The following COL17A1 variants were observed in gnomAD, a reference collection of about 807,000 sequenced individuals.
COL17A1 encodes the protein collagen alpha-1(XVII) chain.
In COL17A1, 181 loss-of-function variants were observed where a neutral mutation model predicts 218.4. The observed-to-expected ratio is 0.83, with a 90% CI of 0.73 to 0.94. The LOEUF (loss-of-function observed/expected upper bound fraction) is 0.94. Among genes scored for constraint, COL17A1 ranks in the 40% least tolerant of loss-of-function variants. The probability of loss-of-function intolerance (pLI) is 0.00; values close to 1 mark genes in which losing one functional copy is unlikely to be tolerated. For synonymous variants in COL17A1, 721 were observed against 731.0 expected (o/e 0.99, Z 0.22); for missense variants, 1,924 against 1,945.9 (o/e 0.99, Z 0.21).
intron 3 of COL17A1, among the ~76,000 whole-genome samples, chr10:104,077,806 G>C (rs369437233): frequency 6.6e-6 from 1 of 152,228 alleles, no homozygotes; most frequent in Non-Finnish European, 1.5e-5. Flanking sequence ...AATATAGCAA[G>C]TTGCATATTA....
chr10:104,059,541 C>T (rs968342739), intron 15 of COL17A1, 97 bp downstream of exon 15: 43 of 1,118,516 alleles, frequency 3.8e-5, no homozygotes, highest in Middle Eastern at 2.0e-4. Context: ...GCTGCTGGCC[C>T]GTGGACCACA....
rs61731087 is a variant in COL17A1, at chr10:104,034,073, G to A, written c.4028C>T (p.Pro1343Leu). 1.0e-3 allele frequency: 1,645 copies of A among 1,614,096 alleles called. 21 individuals carry two copies. In the African/African-American group the frequency reaches 0.02, roughly 19 times the overall value. The change falls in exon 52 of 56, where the codon CCA (proline) becomes CTA (leucine). Residue 1343 changes from proline (P) to leucine (L), a missense_variant. By Grantham distance (98) the Pro-to-Leu change is moderately conservative (BLOSUM62 -3). Coordinates refer to ENST00000648076, the MANE Select transcript of COL17A1 (RefSeq NM_000494.4). ...TGCTGCTGCCCCATAGCCTCCGCCTGGGCCGATGTCAGTGCCATAGGGACC... is the reference window on the plus strand; with the variant it reads ...TGCTGCTGCCCCATAGCCTCCGCCTAGGCCGATGTCAGTGCCATAGGGACC... ...DRGPYGTDIG[P>L]GGGYGAAAEG... is the part of the protein sequence containing the mutation.
At position 104,053,886 on chromosome 10, in the gene COL17A1, G is replaced by A. The variant is rs1429303998; in HGVS notation, c.1834+34C>T. 11 of 1,234,768 alleles carry A rather than the reference G, an allele frequency of 8.9e-6. No individual in the cohort carries two copies. In the Middle Eastern group the frequency reaches 5.6e-4, roughly 63 times the overall value. 76.5% of individuals were successfully genotyped at this position (1,234,768 alleles called of 1,614,324 possible). On this transcript the variant is annotated intron_variant, in intron 22 of 55. Coordinates refer to ENST00000648076, the MANE Select transcript of COL17A1 (RefSeq NM_000494.4). ...GTTTATTAAATGAATGAAAGAATGA[G>A]GAATAAATGAATAAAGAAAAATGTG...
intron 1 of COL17A1, among the ~76,000 whole-genome samples, chr10:104,082,311 C>T (rs1279017137): frequency 6.6e-6 from 1 of 152,192 alleles, no homozygotes; most frequent in Non-Finnish European, 1.5e-5. Flanking sequence ...GTCTGCATTC[C>T]AGCTATAACC....
At chr10:104,059,430 C>T (rs2086561187) in intron 15 of COL17A1, 2 of 610,670 alleles carry the variant, frequency 3.3e-6, no homozygotes, top group South Asian at 3.9e-5. Context: ...AATGCAAATG[C>T]AAATCACCTA....
chr10:104,050,927 A>T, intron 25 of COL17A1, 26 bp from the exon 26 acceptor site: 6 of 1,614,122 alleles, frequency 3.7e-6, no homozygotes, highest in Non-Finnish European at 5.1e-6. Flanking sequence ...AACCATGCAC[A>T]CAGATGAGTA....
intron 25 of COL17A1, among the ~76,000 whole-genome samples, chr10:104,051,262 G>C (rs1405599656): frequency 6.6e-6 from 1 of 152,170 alleles, no homozygotes; most frequent in Non-Finnish European, 1.5e-5. Context: ...AGCTGCTGGA[G>C]GGTCTCAAGC....
At position 104,051,474 on chromosome 10, in the gene COL17A1, A is replaced by G. The variant is rs1564677696; in HGVS notation, c.2038+7T>C. 1 of 1,614,092 alleles carries G rather than the reference A, an allele frequency of 6.2e-7. No homozygotes were observed. The highest frequency in any genetic ancestry group is 8.5e-7 in the Non-Finnish European group (1 of 1,180,036). ...CAGAACCTATTTACAAGAAGCAGCAAACTGACCTGGAGGGCCCTGTGGGCC... is the reference window on the plus strand; with the variant it reads ...CAGAACCTATTTACAAGAAGCAGCAGACTGACCTGGAGGGCCCTGTGGGCC... On this transcript the variant is annotated splice_region_variant and intron_variant, in intron 25 of 55. Coordinates refer to ENST00000648076, the MANE Select transcript of COL17A1 (RefSeq NM_000494.4).
In COL17A1 at chr10:104,054,135, A is replaced by G. The variant is rs772671568; in HGVS notation, c.1745-17T>C. 39 of 1,602,554 alleles carry G rather than the reference A, an allele frequency of 2.4e-5. No homozygotes were observed. In the South Asian group the frequency reaches 4.4e-4, roughly 18 times the overall value. The stretch of plus-strand genomic sequence containing the variant: ...CTCGATCTCCTGCAGGAACAAAGGC[A>G]AAAGAGAGAGTGGTCAGCCAGAAGA... On this transcript the variant is annotated splice_polypyrimidine_tract_variant and intron_variant, in intron 20 of 55. Transcript: ENST00000648076.
Position 104,060,271 on chromosome 10 carries a change from G to A in COL17A1, c.989C>T (p.Thr330Ile). Residue 330 changes from threonine (T) to isoleucine (I), a missense_variant, in exon 14 of 56, where the codon ACA becomes ATA. Transcript: ENST00000648076. ...TGVSTSAACT[T>I]SVQSDDLLHK... ...CAAAAGGTCATCGCTCTGCACACTT[G>A]TGGTGCAGGCTGGGGAGAAAGAAAA... 6.2e-7 allele frequency: 1 copy of A among 1,614,166 alleles called. No homozygotes were observed. The highest frequency in any genetic ancestry group is 8.5e-7 in the Non-Finnish European group (1 of 1,180,024).
At chr10:104,063,718 A>G in intron 11 of COL17A1, 29 bp downstream of exon 11, 1 of 1,613,910 alleles carries the variant, frequency 6.2e-7, no homozygotes, top group Non-Finnish European at 8.5e-7. Flanking sequence ...AATAGCCTGG[A>G]AAAGTCATCT....
intron 22 of COL17A1, among the ~76,000 whole-genome samples, chr10:104,053,589 T>C: frequency 6.6e-6 from 1 of 151,750 alleles, no homozygotes; most frequent in East Asian, 2.0e-4. Flanking sequence ...TTCGAATCTT[T>C]GCTCAAATGG....
intron 3 of COL17A1, among the ~76,000 whole-genome samples, chr10:104,078,230 G>A (rs1191150321): frequency 2.6e-5 from 4 of 152,182 alleles, no homozygotes; most frequent in Admixed American, 2.6e-4. Context: ...AGAGACAGTA[G>A]ATTTGTGGTT....
intron 1 of COL17A1, among the ~76,000 whole-genome samples, chr10:104,084,292 A>G (rs2086788756): frequency 6.6e-6 from 1 of 151,530 alleles, no homozygotes; most frequent in Non-Finnish European, 1.5e-5. Flanking sequence ...AGTTTCACCA[A>G]TCTAAGGAGT....
chr10:104,080,531 G>T, intron 2 of COL17A1, 91 bp downstream of exon 2: 1 of 1,427,188 alleles, frequency 7.0e-7, no homozygotes, highest in Non-Finnish European at 9.7e-7. Flanking sequence ...AGTGGTTGTG[G>T]TAGAATTATT....
intron 27 of COL17A1, 60 bp downstream of exon 27, chr10:104,050,561 T>A (rs544934669): frequency 6.2e-7 from 1 of 1,612,140 alleles, no homozygotes; most frequent in African/African-American, 1.3e-5. Context: ...GAGGGTCCCA[T>A]CTGGGCTCCC....
intron 38 of COL17A1, 54 bp from the exon 39 acceptor site, chr10:104,041,172 C>T: frequency 6.2e-7 from 1 of 1,611,240 alleles, no homozygotes. Flanking sequence ...GCCAGGAACC[C>T]TCTGCTCAGG....
At position 104,071,956 on chromosome 10, in the gene COL17A1, G is replaced by GCA. The variant is rs112689627; in HGVS notation, c.463+74_463+75dup. 13,971 of 1,288,292 alleles carry GCA rather than the reference G, an allele frequency of 0.011. 132 individuals are homozygous for GCA. The highest frequency in any genetic ancestry group is 0.079 in the African/African-American group (5,381 of 68,342). 79.8% of individuals were successfully genotyped at this position (1,288,292 alleles called of 1,614,324 possible). A position where few individuals can be genotyped will look rare whatever the true frequency, so the allele number is the denominator to read the frequency against. On this transcript the variant is annotated intron_variant, in intron 8 of 55. Transcript: ENST00000648076. ...TGCATGCATGCACACACACACGCAT[G>GCA]CACACACACACACACACACAGCACT...
At chr10:104,054,215 T>G (rs572565503) in intron 20 of COL17A1, 97 bp from the exon 21 acceptor site, 220 of 1,290,678 alleles carry the variant, frequency 1.7e-4, no homozygotes, top group South Asian at 1.4e-3. Context: ...GTTGCCAAAC[T>G]TAGGAAATAA....
Sources: allele counts gnomAD v4.1 joint callset (sites outside exome capture counted in the v4.1 genomes callset), GRCh38; gene constraint gnomAD v4.1.1; transcripts MANE v1.5; gene names NCBI Gene and HGNC (gene_info 2026-07-23, HGNC 2026-07-21).